MAP2: variants seen among roughly 807,000 people sequenced by gnomAD.
The protein encoded by MAP2 is microtubule-associated protein 2.
MAP2 carries 14 observed loss-of-function variants against 137.6 expected under a neutral mutation model. The ratio of observed to expected loss-of-function variants is 0.10; its 90% CI spans 0.07 to 0.16. MAP2 has a LOEUF of 0.16. Ranked by LOEUF, MAP2 falls within the 10% of genes least tolerant of loss-of-function variation. The pLI, the probability that MAP2 is intolerant of heterozygous loss-of-function variation, is 1.00. For synonymous variants in MAP2, 786 were observed against 782.3 expected (o/e 1.00, Z -0.08); for missense variants, 2,088 against 2,191.5 (o/e 0.95, Z 0.94).
intron 2 of MAP2, among the ~76,000 whole-genome samples, chr2:209,574,582 G>A (rs752069315): frequency 1.2e-4 from 18 of 152,116 alleles, no homozygotes; most frequent in African/African-American, 3.1e-4. Flanking sequence ...TACAACTCAC[G>A]CTACCCAATC....
chr2:209,591,183 G>A (rs2079138196), intron 3 of MAP2, among the ~76,000 whole-genome samples: 1 of 152,152 alleles, frequency 6.6e-6, no homozygotes, highest in Non-Finnish European at 1.5e-5. Context: ...ATAAAACCCA[G>A]GTCTGTCTGG....
intron 5 of MAP2, 34 bp downstream of exon 5, chr2:209,653,466 C>G: frequency 6.5e-7 from 1 of 1,543,626 alleles, no homozygotes; most frequent in Non-Finnish European, 8.7e-7. Context: ...CAAGTGCTTG[C>G]TTTGTGCTTT....
At chr2:209,705,086 G>A (rs1345892627) in intron 11 of MAP2, among the ~76,000 whole-genome samples, 1 of 151,918 alleles carries the variant, frequency 6.6e-6, no homozygotes, top group East Asian at 1.9e-4. Flanking sequence ...CATTAAACTT[G>A]TTTCTTCAGC....
chr2:209,683,143 A>G (rs2055474648), intron 7 of MAP2, among the ~76,000 whole-genome samples: 1 of 152,184 alleles, frequency 6.6e-6, no homozygotes, highest in Non-Finnish European at 1.5e-5. Context: ...ATATAATGAA[A>G]ACATAAATAA....
intron 3 of MAP2, among the ~76,000 whole-genome samples, chr2:209,616,227 G>A (rs1233068265): frequency 6.6e-6 from 1 of 152,200 alleles, no homozygotes; most frequent in Non-Finnish European, 1.5e-5. Context: ...AGGCCCAGGT[G>A]GGGCATCACT....
At chr2:209,641,470 A>G (rs1455270455) in intron 4 of MAP2, among the ~76,000 whole-genome samples, 1 of 151,960 alleles carries the variant, frequency 6.6e-6, no homozygotes, top group Non-Finnish European at 1.5e-5. Flanking sequence ...ATTCTAATGT[A>G]GGGGTCAAAG....
chr2:209,450,458 C>G (rs573653759), intron 1 of MAP2, among the ~76,000 whole-genome samples: 1 of 152,302 alleles, frequency 6.6e-6, no homozygotes, highest in East Asian at 1.9e-4. Context: ...AGATTAGTAA[C>G]ATTTCATTTC....
At chr2:209,553,755 A>T (rs1209658410) in intron 2 of MAP2, among the ~76,000 whole-genome samples, 1 of 152,130 alleles carries the variant, frequency 6.6e-6, no homozygotes, top group South Asian at 2.1e-4. Flanking sequence ...CGTATTTGAG[A>T]ATGTTATCAT....
chr2:209,546,252 A>G lies in MAP2; in HGVS notation c.-171-33784A>G, dbSNP rs926540733. On this transcript the variant is annotated intron_variant, in intron 2 of 15. Coordinates refer to ENST00000682079, the MANE Select transcript of MAP2 (RefSeq NM_001375505.1). ...TGGATGTTTTTATATATACACATATATAAGTATGTATATCTCTGTATACAT... is the reference window on the plus strand; with the variant it reads ...TGGATGTTTTTATATATACACATATGTAAGTATGTATATCTCTGTATACAT... Among the ~76,000 whole-genome samples the G allele has an allele frequency of 2.6e-5, 4 of 152,268 alleles. No homozygotes were observed. In the East Asian group the frequency reaches 5.8e-4, roughly 22 times the overall value.
intron 2 of MAP2, among the ~76,000 whole-genome samples, chr2:209,559,171 T>C (rs2071385488): frequency 6.6e-6 from 1 of 151,966 alleles, no homozygotes; most frequent in Non-Finnish European, 1.5e-5. Flanking sequence ...AGAAGACTTT[T>C]CCCCCAACTC....
chr2:209,554,828 A>G (rs1036860908), intron 2 of MAP2, among the ~76,000 whole-genome samples: 2 of 150,364 alleles, frequency 1.3e-5, no homozygotes, highest in Non-Finnish European at 3.0e-5. Flanking sequence ...TAGCAGGTAA[A>G]CTGTTACCAC....
chr2:209,697,476 G>A (rs1382426973), intron 10 of MAP2, among the ~76,000 whole-genome samples: 2 of 151,886 alleles, frequency 1.3e-5, no homozygotes, highest in Non-Finnish European at 2.9e-5. Context: ...TACTGATGTT[G>A]ATGAATTTAT....
intron 1 of MAP2, among the ~76,000 whole-genome samples, chr2:209,458,937 C>T (rs111803184): frequency 6.6e-6 from 1 of 151,952 alleles, no homozygotes; most frequent in Admixed American, 6.6e-5. Context: ...TTGGGGAGAT[C>T]GCATGATTTA....
At chr2:209,627,024 A>G (rs1365721671) in intron 4 of MAP2, among the ~76,000 whole-genome samples, 1 of 152,038 alleles carries the variant, frequency 6.6e-6, no homozygotes, top group Non-Finnish European at 1.5e-5. Flanking sequence ...TTTGGTTTGT[A>G]AGGATCTTAC....
At chr2:209,503,777 G>A (rs1235101703) in intron 1 of MAP2, among the ~76,000 whole-genome samples, 12 of 152,062 alleles carry the variant, frequency 7.9e-5, no homozygotes, top group African/African-American at 2.9e-4. Context: ...GAAAAAATAC[G>A]ACAGTAAGCA....
chr2:209,434,898 A>T (rs200102431), intron 1 of MAP2, among the ~76,000 whole-genome samples: 1 of 136,466 alleles, frequency 7.3e-6, no homozygotes, highest in East Asian at 2.0e-4. Context: ...TATATATGTT[A>T]TATATATATG....
intron 3 of MAP2, among the ~76,000 whole-genome samples, chr2:209,581,979 A>T (rs777413582): frequency 4.3e-4 from 66 of 152,230 alleles, no homozygotes; most frequent in Admixed American, 9.2e-4. Context: ...ACAGAATTTG[A>T]CTACTAGAGT....
chr2:209,678,618 A>G lies in MAP2; in HGVS notation c.309A>G (p.Val103=). The G allele has an allele frequency of 6.8e-6, 11 of 1,607,466 alleles. No individual in the cohort carries two copies. The highest frequency in any genetic ancestry group is 9.3e-6 in the Non-Finnish European group (11 of 1,176,564). The change falls in exon 6 of 16, where the codon GTA becomes GTG. Residue 103 remains valine, a synonymous_variant. Coordinates refer to ENST00000682079, the MANE Select transcript of MAP2 (RefSeq NM_001375505.1). ...RIVQVVTAEA[V]AVLKGEQEKE... is the part of the protein sequence containing the mutation. ...TTCAAGTAGTCACTGCTGAGGCTGT[A>G]GCAGTCCTGAAAGGTGAACAAGAGA...
rs1439401526 is a variant in MAP2, at chr2:209,710,267, T to C, written c.5073+13T>C. On this transcript the variant is annotated intron_variant, in intron 13 of 15. Transcript: ENST00000682079. The stretch of plus-strand genomic sequence containing the variant: ...TAAAGGGGGGCAGGTAAGAATTGCA[T>C]GAACACATATTTGCTGCCAGAAATA... The C allele has an allele frequency of 6.5e-7, 1 of 1,543,732 alleles. No individual in the cohort carries two copies. The highest frequency in any genetic ancestry group is 2.4e-5 in the East Asian group (1 of 41,104).
Sources: allele counts gnomAD v4.1 joint callset (sites outside exome capture counted in the v4.1 genomes callset), GRCh38; gene constraint gnomAD v4.1.1; transcripts MANE v1.5; gene names NCBI Gene and HGNC (gene_info 2026-07-23, HGNC 2026-07-21).